The following SART3 variants were observed in gnomAD, a reference collection of about 807,000 sequenced individuals.
The protein encoded by SART3 is spliceosome associated factor 3, U4/U6 recycling protein.
Under a neutral mutation model 122.3 loss-of-function variants are expected in SART3, and 44 were observed. The ratio of observed to expected loss-of-function variants is 0.36; its 90% CI spans 0.28 to 0.46. The LOEUF is 0.46. Among genes scored for constraint, SART3 ranks in the 20% least tolerant of loss-of-function variants. The probability of loss-of-function intolerance (pLI) is 1.00; values close to 1 mark genes in which losing one functional copy is unlikely to be tolerated. For missense variants in SART3, 1,101 were observed against 1,229.0 expected (o/e 0.90, Z 1.56); for synonymous variants, 442 against 454.0 (o/e 0.97, Z 0.34).
intron 1 of SART3, among the ~76,000 whole-genome samples, chr12:108,551,780 T>C (rs1034931176): frequency 2.6e-5 from 4 of 152,036 alleles, no homozygotes; most frequent in African/African-American, 9.7e-5. Context: ...TGGAATCAAA[T>C]TAGAAACCAC....
chr12:108,555,003 G>A (rs2030157469), intron 1 of SART3, among the ~76,000 whole-genome samples: 1 of 152,124 alleles, frequency 6.6e-6, no homozygotes, highest in Non-Finnish European at 1.5e-5. Context: ...CTTATATGAA[G>A]TATCTAGTCA....
chr12:108,557,686 C>T (rs2030289012), intron 1 of SART3, among the ~76,000 whole-genome samples: 2 of 152,212 alleles, frequency 1.3e-5, no homozygotes, highest in Admixed American at 1.3e-4. Context: ...TGTACAAGGC[C>T]TTTCCACTAC....
Position 108,530,209 on chromosome 12 carries a change from C to T in SART3, c.1848G>A (p.Lys616=), listed in dbSNP as rs1241998023. 1 of 1,614,154 alleles carries T rather than the reference C, an allele frequency of 6.2e-7. No individual in the cohort carries two copies. The highest frequency in any genetic ancestry group is 1.1e-5 in the South Asian group (1 of 91,078). The change falls in exon 15 of 19, where the codon AAG becomes AAA. Residue 616 remains lysine, a synonymous_variant. Coordinates refer to ENST00000546815, the MANE Select transcript of SART3 (RefSeq NM_014706.4). ...AEKKALKKKK[K]IRGPEKRGAD... is the part of the protein sequence containing the mutation. ...CTCCGCGCTTCTCTGGGCCTCTGAT[C>T]TTTTTCTTCTTTTTTAACGCTTTCT...
chr12:108,548,075 C>T (rs1173015097), intron 2 of SART3, 84 bp from the exon 3 acceptor site: 4 of 1,157,138 alleles, frequency 3.5e-6, no homozygotes, highest in Middle Eastern at 1.9e-4. Flanking sequence ...AGCATGCAAA[C>T]GTTTCATCCA....
In SART3 at chr12:108,523,548, G is replaced by T; in HGVS notation, c.2801C>A (p.Pro934His). Residue 934 changes from proline (P) to histidine (H), a missense_variant, in exon 19 of 19, where the codon CCT (proline) becomes CAT (histidine). This residue lies in a region of SART3 where 885 missense variants were observed against 1,080.1 expected (regional missense o/e 0.82). Transcript: ENST00000546815. ...SAAAPQAENG[P>H]AAAPAVAAPA... ...GGCGGCAACTGCAGGAGCCGCGGCA[G>T]GGCCGTTCTCAGCCTGAGGAGCTGC... The T allele has an allele frequency of 6.2e-7, 1 of 1,614,050 alleles. No homozygotes were observed. Among genetic ancestry groups the T allele is most frequent in the Non-Finnish European group, 8.5e-7 (1 of 1,180,018 alleles).
rs1872987220 is a variant in SART3, at chr12:108,537,922, C to T, written c.1201+143G>A. ...GAAGCCACAAATATAACCAGTTCATCTCTCACTCAGAGCCCTTTTTGTCAC... is the reference window on the plus strand; with the variant it reads ...GAAGCCACAAATATAACCAGTTCATTTCTCACTCAGAGCCCTTTTTGTCAC... On this transcript the variant is annotated intron_variant, in intron 8 of 18. Transcript: ENST00000546815. The T allele has an allele frequency of 3.1e-6, 3 of 955,674 alleles. No individual in the cohort carries two copies. In the South Asian group the frequency reaches 4.1e-5, roughly 13 times the overall value. The allele number at this position is 955,674 out of a possible 1,614,324, so 59.2% of individuals were successfully genotyped here. A position where few individuals can be genotyped will look rare whatever the true frequency, so the allele number is the denominator to read the frequency against.
Position 108,545,342 on chromosome 12 carries a change from C to T in SART3, c.545-19G>A, listed in dbSNP as rs1565864744. ...TTAGGACCTAAAAATAAGAAGTGTTCAATTAGTTTGGGATATAAAATACCC... is the reference window on the plus strand; with the variant it reads ...TTAGGACCTAAAAATAAGAAGTGTTTAATTAGTTTGGGATATAAAATACCC... On this transcript the variant is annotated intron_variant, in intron 3 of 18. Coordinates refer to ENST00000546815, the MANE Select transcript of SART3 (RefSeq NM_014706.4). 1.2e-6 allele frequency: 2 copies of T among 1,613,258 alleles called. No homozygotes were observed. Among genetic ancestry groups the T allele is most frequent in the Non-Finnish European group, 1.7e-6 (2 of 1,179,246 alleles).
intron 1 of SART3, among the ~76,000 whole-genome samples, chr12:108,557,828 C>G (rs2030297800): frequency 6.6e-6 from 1 of 152,144 alleles, no homozygotes. Context: ...AAAATATTTG[C>G]TTTTGTTAGA....
chr12:108,542,915 T>C, intron 6 of SART3, 113 bp downstream of exon 6: 1 of 1,381,042 alleles, frequency 7.2e-7, no homozygotes, highest in Non-Finnish European at 1.0e-6. Flanking sequence ...TATACATTTA[T>C]ACACTCTATA....
rs1045555398 is a variant in SART3 at position 108,549,782 on chromosome 12, G to A, written c.313-568C>T. ...TGTGATCCCAGCACTTTGGGAGGCC[G>A]AGGCAGGTGGATTGCTTGAGCTCAG... On this transcript the variant is annotated intron_variant, in intron 1 of 18. Coordinates refer to ENST00000546815, the MANE Select transcript of SART3 (RefSeq NM_014706.4). Among the ~76,000 whole-genome samples, 37 of 152,150 alleles carry A rather than the reference G, an allele frequency of 2.4e-4. 1 individual carries two copies. The highest frequency in any genetic ancestry group is 3.4e-3 in the Middle Eastern group (1 of 294).
rs760515970 is a variant in SART3, at chr12:108,538,138, G to C, written c.1128C>G (p.Pro376=). 1.1e-5 allele frequency: 18 copies of C among 1,614,152 alleles called. No individual in the cohort carries two copies. Among genetic ancestry groups the C allele is most frequent in the Non-Finnish European group, 1.5e-5 (18 of 1,179,982 alleles). Residue 376 remains proline (P), a synonymous_variant, in exon 8 of 19, where the codon CCC becomes CCG. Coordinates refer to ENST00000546815, the MANE Select transcript of SART3 (RefSeq NM_014706.4). ...ACCGACTCCATAAGGCAACTGTCCA[G>C]GGGCAGTTTCTAATAGCGCGGTTAT... The part of the protein sequence containing the change: ...SVHNRAIRNC[P]WTVALWSRYL...
intron 1 of SART3, chr12:108,560,399 A>G (rs995368409): frequency 3.7e-5 from 9 of 240,104 alleles, no homozygotes; most frequent in Non-Finnish European, 7.1e-5. Flanking sequence ...ATCGCGGTCA[A>G]TATTTTTCTT....
At position 108,560,955 on chromosome 12, in the gene SART3, C is replaced by G. The variant is rs746680613; in HGVS notation, c.200G>C (p.Gly67Ala). ...GGAGGAAGCCATGGCGTACTCATCC[C>G]CATCGCTCTCGCTCACGCCTTCCTC... ...QQEEGVSESD[G>A]DEYAMASSAE... The change falls in exon 1 of 19, where the codon GGG becomes GCG. Residue 67 changes from glycine (G) to alanine (A), a missense_variant. Gly to Ala is a moderately conservative substitution (Grantham distance 60). Coordinates refer to ENST00000546815, the MANE Select transcript of SART3 (RefSeq NM_014706.4). 2 of 1,614,054 alleles carry G rather than the reference C, an allele frequency of 1.2e-6. No individual in the cohort carries two copies. Among genetic ancestry groups the G allele is most frequent in the South Asian group, 2.2e-5 (2 of 91,058 alleles).
chr12:108,524,523 C>CCAT lies in SART3; in HGVS notation c.2524-18_2524-17insATG, dbSNP rs1345649002. On this transcript the variant is annotated splice_polypyrimidine_tract_variant and intron_variant, in intron 17 of 18. Transcript: ENST00000546815. ...GGCCAGGCCCTGGAAGAGGCAAGAT[C>CCAT]CAGAACCAAGTCAGATCCCGCAGAC... The CCAT allele has an allele frequency of 1.2e-6, 2 of 1,613,494 alleles. No homozygotes were observed. Among genetic ancestry groups the CCAT allele is most frequent in the African/African-American group, 2.7e-5 (2 of 74,900 alleles).
chr12:108,551,234 A>C (rs1490301150), intron 1 of SART3, among the ~76,000 whole-genome samples: 1 of 152,220 alleles, frequency 6.6e-6, no homozygotes, highest in Non-Finnish European at 1.5e-5. Context: ...AAATTACTAG[A>C]GATAAAAAGG....
At chr12:108,560,198 G>A (rs1218746063) in intron 1 of SART3, 3 of 152,390 alleles carry the variant, frequency 2.0e-5, no homozygotes, top group African/African-American at 4.8e-5. Flanking sequence ...ATGACTAGAT[G>A]CTAGGCACTG....
At chr12:108,554,997 T>C (rs548018421) in intron 1 of SART3, among the ~76,000 whole-genome samples, 4 of 152,236 alleles carry the variant, frequency 2.6e-5, no homozygotes, top group Non-Finnish European at 5.9e-5. Flanking sequence ...ATTCCACTTA[T>C]ATGAAGTATC....
chr12:108,531,641 G>T, intron 13 of SART3: 1 of 285,876 alleles, frequency 3.5e-6, no homozygotes, highest in Non-Finnish European at 6.8e-6. Flanking sequence ...GTCTTTGCAA[G>T]CCAGTTCTGA....
chr12:108,544,703 C>T, intron 4 of SART3: 1 of 654,340 alleles, frequency 1.5e-6, no homozygotes, highest in Non-Finnish European at 2.7e-6. Flanking sequence ...GTAGCTAGGA[C>T]CACAGGCATA....
Sources: gnomAD v4.1 joint callset for allele counts (sites outside exome capture counted in the v4.1 genomes callset) on GRCh38, gnomAD v4.1.1 for gene constraint, gnomAD v4.1.1 regional missense constraint, MANE v1.5 for transcripts, NCBI Gene and HGNC (gene_info 2026-07-23, HGNC 2026-07-21) for gene names.